PRKCH: variants seen among roughly 807,000 people sequenced by gnomAD.
PRKCH encodes the protein protein kinase C eta type.
PRKCH carries 28 observed loss-of-function variants against 82.5 expected under a neutral mutation model. The ratio of observed to expected loss-of-function variants is 0.34; its 90% CI spans 0.25 to 0.47. The LOEUF is 0.47. Ranked by LOEUF, PRKCH falls within the 20% of genes least tolerant of loss-of-function variation. The probability of loss-of-function intolerance (pLI) is 1.00; values close to 1 mark genes in which losing one functional copy is unlikely to be tolerated. For missense variants in PRKCH, 705 were observed against 881.8 expected (o/e 0.80, Z 2.54); for synonymous variants, 322 against 327.4 (o/e 0.98, Z 0.18).
At chr14:61,239,137 G>C (rs1339007558) in intron 1 of PRKCH, among the ~76,000 whole-genome samples, 1 of 152,138 alleles carries the variant, frequency 6.6e-6, no homozygotes, top group East Asian at 1.9e-4. Flanking sequence ...TCCTGTTCAT[G>C]ACTGTTCCAT....
chr14:61,472,169 C>T (rs1481709884), intron 9 of PRKCH, among the ~76,000 whole-genome samples: 4 of 152,144 alleles, frequency 2.6e-5, no homozygotes, highest in Non-Finnish European at 5.9e-5. Context: ...GTGAAGCCTG[C>T]TGCTCGATAA....
intron 1 of PRKCH, among the ~76,000 whole-genome samples, chr14:61,384,164 CG>C (rs1393123577): frequency 3.2e-4 from 49 of 152,198 alleles, no homozygotes; most frequent in African/African-American, 1.2e-3. Context: ...TGCCTCAAGT[CG>C]GAGTGGCTCC....
intron 1 of PRKCH, among the ~76,000 whole-genome samples, chr14:61,357,578 G>A (rs1395833616): frequency 1.3e-5 from 2 of 152,076 alleles, no homozygotes; most frequent in African/African-American, 4.8e-5. Context: ...AATGTTCTCT[G>A]CGTTTTCCAT....
intron 1 of PRKCH, among the ~76,000 whole-genome samples, chr14:61,381,503 T>G (rs1594642992): frequency 6.6e-6 from 1 of 152,362 alleles, no homozygotes; most frequent in Admixed American, 6.5e-5. Flanking sequence ...ATTTGCCTAT[T>G]GCAACTTCTT....
chr14:61,191,397 G>A (rs749853813), intron 1 of PRKCH, among the ~76,000 whole-genome samples: 3 of 152,196 alleles, frequency 2.0e-5, no homozygotes, highest in Non-Finnish European at 4.4e-5. Context: ...TCCAGGCTGG[G>A]TACAGTGGCT....
At chr14:61,489,891 A>T (rs1886384726) in intron 10 of PRKCH, among the ~76,000 whole-genome samples, 1 of 152,212 alleles carries the variant, frequency 6.6e-6, no homozygotes, top group African/African-American at 2.4e-5. Context: ...TTGACATTTC[A>T]ACCCCAAACT....
chr14:61,323,530 A>C (rs1236232296), intron 1 of PRKCH, among the ~76,000 whole-genome samples: 1 of 152,232 alleles, frequency 6.6e-6, no homozygotes, highest in Non-Finnish European at 1.5e-5. Context: ...AAAATGTTTG[A>C]AATTTACAAG....
At chr14:61,524,887 T>A (rs2042947294) in intron 10 of PRKCH, among the ~76,000 whole-genome samples, 1 of 152,230 alleles carries the variant, frequency 6.6e-6, no homozygotes, top group African/African-American at 2.4e-5. Flanking sequence ...CCCTCTTGAG[T>A]CTATCTTTAA....
intron 2 of PRKCH, among the ~76,000 whole-genome samples, chr14:61,440,048 A>G (rs1419240909): frequency 1.3e-5 from 2 of 152,232 alleles, no homozygotes; most frequent in Admixed American, 6.5e-5. Flanking sequence ...TATACATGAT[A>G]AGTGTTTACT....
chr14:61,530,267 A>G, intron 11 of PRKCH, 140 bp from the exon 12 acceptor site: 1 of 935,268 alleles, frequency 1.1e-6, no homozygotes, highest in Non-Finnish European at 1.5e-6. Context: ...GTAGAAATGG[A>G]ATGAAATACG....
At chr14:61,460,184 T>C (rs554626455) in intron 9 of PRKCH, among the ~76,000 whole-genome samples, 1 of 152,342 alleles carries the variant, frequency 6.6e-6, no homozygotes, top group South Asian at 2.1e-4. Context: ...ATAGTATATA[T>C]TGGAAATTGT....
intron 1 of PRKCH, among the ~76,000 whole-genome samples, chr14:61,203,129 C>A (rs1379218513): frequency 1.3e-5 from 2 of 152,116 alleles, no homozygotes; most frequent in African/African-American, 4.8e-5. Flanking sequence ...GCACCTGTTC[C>A]TTCAGTTACT....
chr14:61,540,130 T>C (rs917080870), intron 12 of PRKCH, among the ~76,000 whole-genome samples: 3 of 152,224 alleles, frequency 2.0e-5, no homozygotes, highest in Non-Finnish European at 2.9e-5. Context: ...GGTGTCAGGC[T>C]GAAGGATGCC....
chr14:61,449,359 C>G, intron 5 of PRKCH, 107 bp downstream of exon 5: 15 of 944,404 alleles, frequency 1.6e-5, no homozygotes, highest in Admixed American at 4.1e-5. Flanking sequence ...TTTTCCTTCT[C>G]CCCGTCCCCA....
chr14:61,233,957 T>C (rs1169699675), intron 1 of PRKCH, among the ~76,000 whole-genome samples: 1 of 152,226 alleles, frequency 6.6e-6, no homozygotes, highest in Non-Finnish European at 1.5e-5. Context: ...CGGATACTAT[T>C]TCTCTTTCTC....
At position 61,321,871 on chromosome 14, in the gene PRKCH, G is replaced by C; in HGVS notation, c.-231G>C. The stretch of plus-strand genomic sequence containing the variant: ...GACGGTCGGGCTTCCCCGGCCCGCT[G>C]AGGGCTCGGCGGCGGGCTCCCCTCC... On this transcript the variant is annotated 5_prime_UTR_variant, in exon 1 of 14. Transcript: ENST00000332981. This position sits in a 1 kb window ranked among gnomAD's most constrained non-coding sequence, Gnocchi z 4.1. The C allele has an allele frequency of 2.2e-6, 1 of 454,860 alleles. No individual in the cohort carries two copies. Among genetic ancestry groups the C allele is most frequent in the Non-Finnish European group, 4.0e-6 (1 of 252,766 alleles). The allele number at this position is 454,860 out of a possible 1,614,324, so 28.2% of individuals were successfully genotyped here. A position where few individuals can be genotyped will look rare whatever the true frequency, so the allele number is the denominator to read the frequency against.
chr14:61,419,602 A>T (rs1445804385), intron 2 of PRKCH, among the ~76,000 whole-genome samples: 1 of 152,194 alleles, frequency 6.6e-6, no homozygotes, highest in Non-Finnish European at 1.5e-5. Context: ...ACTTTTAATT[A>T]AGCTCCTCCT....
intron 1 of PRKCH, among the ~76,000 whole-genome samples, chr14:61,196,163 T>C (rs1218498450): frequency 3.3e-5 from 5 of 151,948 alleles, no homozygotes; most frequent in African/African-American, 4.8e-5. Flanking sequence ...CATTGGATCC[T>C]GGAGGGAAGG....
chr14:61,462,358 C>T (rs1377681726), intron 9 of PRKCH, among the ~76,000 whole-genome samples: 2 of 151,912 alleles, frequency 1.3e-5, no homozygotes, highest in African/African-American at 4.8e-5. Context: ...CCATTGCACT[C>T]CAACCTGGGT....
Sources: allele counts gnomAD v4.1 joint callset (sites outside exome capture counted in the v4.1 genomes callset), GRCh38; gene constraint gnomAD v4.1.1; non-coding constraint Gnocchi (gnomAD v3.1); transcripts MANE v1.5; gene names NCBI Gene and HGNC (gene_info 2026-07-23, HGNC 2026-07-21).